The following ASAH2 variants were observed in gnomAD, a reference collection of about 807,000 sequenced individuals.
The protein encoded by ASAH2 is neutral ceramidase.
ASAH2 carries 58 observed loss-of-function variants against 82.9 expected under a neutral mutation model. The ratio of observed to expected loss-of-function variants is 0.70; its 90% CI spans 0.57 to 0.87. ASAH2 has a LOEUF of 0.87. Among genes scored for constraint, ASAH2 ranks in the 40% least tolerant of loss-of-function variants. The probability of loss-of-function intolerance (pLI) is 0.00; values close to 1 mark genes in which losing one functional copy is unlikely to be tolerated. For synonymous variants in ASAH2, 276 were observed against 289.7 expected (o/e 0.95, Z 0.48); for missense variants, 779 against 834.0 (o/e 0.93, Z 0.81).
At chr10:50,219,282 A>T (rs1845684128) in intron 7 of ASAH2, among the ~76,000 whole-genome samples, 1 of 152,248 alleles carries the variant, frequency 6.6e-6, no homozygotes. Context: ...AAAGTTATAC[A>T]GTTTACAAAC....
chr10:50,236,122 GA>G, intron 4 of ASAH2, 58 bp from the exon 5 acceptor site: 1 of 1,501,168 alleles, frequency 6.7e-7, no homozygotes, highest in Non-Finnish European at 9.3e-7. Flanking sequence ...CTCAACATGA[GA>G]AAAGGCTTTG....
chr10:50,207,452 A>G (rs1845329582), intron 12 of ASAH2, among the ~76,000 whole-genome samples: 1 of 151,844 alleles, frequency 6.6e-6, no homozygotes, highest in African/African-American at 2.4e-5. Flanking sequence ...AAAAACAGAG[A>G]GAAGACTTAA....
intron 12 of ASAH2, among the ~76,000 whole-genome samples, chr10:50,206,925 T>C (rs1462555682): frequency 1.3e-5 from 2 of 151,922 alleles, no homozygotes; most frequent in African/African-American, 4.8e-5. Flanking sequence ...TGGTAGATCA[T>C]GTGCTGGCTA....
At chr10:50,224,479 A>G (rs1427284451) in intron 7 of ASAH2, among the ~76,000 whole-genome samples, 1 of 152,126 alleles carries the variant, frequency 6.6e-6, no homozygotes, top group Non-Finnish European at 1.5e-5. Context: ...TTCAACCCAC[A>G]TGGTATGGGC....
At chr10:50,237,954 GA>G (rs956458757) in intron 4 of ASAH2, among the ~76,000 whole-genome samples, 53 of 150,848 alleles carry the variant, frequency 3.5e-4, no homozygotes, top group East Asian at 5.8e-4. Context: ...ATTAATCAAA[GA>G]AAAAAAAATC....
chr10:50,199,099 T>C lies in ASAH2; in HGVS notation c.1809A>G (p.Leu603=). 1 of 1,613,366 alleles carries C rather than the reference T, an allele frequency of 6.2e-7. No homozygotes were observed. The highest frequency in any genetic ancestry group is 2.2e-5 in the East Asian group (1 of 44,838). ...TTCTGAAGAGCTGAATGTAAGCAGA[T>C]AATGTGTGCGGTCCATAAATTGTCG... ...AASTIYGPHT[L]SAYIQLFRNL... Residue 603 remains leucine (L), a synonymous_variant, in exon 17 of 21, where the codon TTA becomes TTG. Coordinates refer to ENST00000682911, the MANE Select transcript of ASAH2 (RefSeq NM_019893.4).
chr10:50,248,380 C>G (rs7071083), intron 2 of ASAH2, 104 bp downstream of exon 2: 1 of 1,402,550 alleles, frequency 7.1e-7, no homozygotes, highest in Non-Finnish European at 9.8e-7. Flanking sequence ...CTTAAGTACA[C>G]GTAGAACTAT....
Position 50,221,627 on chromosome 10 carries a change from TTGTATGTG to T in ASAH2, c.894-3005_894-2998del, listed in dbSNP as rs1162685454. Among the ~76,000 whole-genome samples the T allele has an allele frequency of 6.2e-5, 9 of 144,776 alleles. No individual in the cohort carries two copies. In the South Asian group the frequency reaches 6.6e-4, roughly 11 times the overall value. The allele number at this position is 144,776 out of a possible 152,430, so 95.0% of individuals were successfully genotyped here. On this transcript the variant is annotated intron_variant, in intron 7 of 20. Transcript: ENST00000682911. ...CAAGAAGCAGAGCAATGAATTCAGG[TTGTATGTG>T]TGTGTGTGTGTGTGTGTGTGTGTGT... is the stretch of plus-strand genomic sequence containing the variant.
chr10:50,232,414 C>G (rs1056841419), intron 7 of ASAH2, among the ~76,000 whole-genome samples: 5,779 of 152,132 alleles, frequency 0.038, 295 homozygotes, highest in African/African-American at 0.12. Context: ...AGAGTGAACC[C>G]AAGCCATTTG....
At chr10:50,226,986 A>G (rs1845903679) in intron 7 of ASAH2, among the ~76,000 whole-genome samples, 1 of 152,166 alleles carries the variant, frequency 6.6e-6, no homozygotes, top group Non-Finnish European at 1.5e-5. Flanking sequence ...TATCAATCCA[A>G]AAAAAGTAAG....
At chr10:50,236,720 C>T (rs944579112) in intron 4 of ASAH2, among the ~76,000 whole-genome samples, 13 of 152,040 alleles carry the variant, frequency 8.6e-5, no homozygotes, top group Non-Finnish European at 1.8e-4. Context: ...AAGAGCTACA[C>T]AAGTATTGTT....
chr10:50,196,013 A>C (rs1446496029), intron 18 of ASAH2, among the ~76,000 whole-genome samples: 2 of 151,830 alleles, frequency 1.3e-5, no homozygotes, highest in African/African-American at 2.4e-5. Flanking sequence ...TAAAAACAAC[A>C]TATTGTGTTT....
chr10:50,205,027 C>T, intron 13 of ASAH2, 72 bp from the exon 14 acceptor site: 2 of 1,015,010 alleles, frequency 2.0e-6, no homozygotes, highest in Non-Finnish European at 2.9e-6. Flanking sequence ...TATAGTGGTC[C>T]CAGAATTTCC....
chr10:50,205,880 A>G, intron 13 of ASAH2, 102 bp downstream of exon 13: 3 of 980,704 alleles, frequency 3.1e-6, no homozygotes, highest in Non-Finnish European at 3.3e-6. Flanking sequence ...TATCTAAATA[A>G]GACTTCCCAT....
chr10:50,232,540 C>A (rs1846046402), intron 7 of ASAH2, among the ~76,000 whole-genome samples: 1 of 152,086 alleles, frequency 6.6e-6, no homozygotes. Flanking sequence ...CTGAGTCAGG[C>A]CAGTTGCAGT....
chr10:50,240,458 T>C (rs1846265856), intron 4 of ASAH2: 1 of 701,994 alleles, frequency 1.4e-6, no homozygotes. Context: ...TCTATTCCAA[T>C]CCATATCAAA....
intron 4 of ASAH2, among the ~76,000 whole-genome samples, chr10:50,241,704 C>T (rs1846300808): frequency 6.6e-6 from 1 of 152,140 alleles, no homozygotes; most frequent in South Asian, 2.1e-4. Context: ...GAATACTATA[C>T]AGCCATAAAA....
chr10:50,221,699 G>C (rs1845753131), intron 7 of ASAH2, among the ~76,000 whole-genome samples: 2 of 6,700 alleles, frequency 3.0e-4, no homozygotes, highest in African/African-American at 6.0e-4. Context: ...TAGATGGATG[G>C]ATAGATAGAT....
chr10:50,198,636 G>C (rs1845055618), intron 17 of ASAH2, among the ~76,000 whole-genome samples: 1 of 152,004 alleles, frequency 6.6e-6, no homozygotes, highest in Non-Finnish European at 1.5e-5. Flanking sequence ...TTTGGAGTGA[G>C]TGGGGAGAAT....
Sources: gnomAD v4.1 joint callset for allele counts (sites outside exome capture counted in the v4.1 genomes callset) on GRCh38, gnomAD v4.1.1 for gene constraint, MANE v1.5 for transcripts, NCBI Gene and HGNC (gene_info 2026-07-23, HGNC 2026-07-21) for gene names.